The following TRIM48 variants were observed in gnomAD, a reference collection of about 807,000 sequenced individuals.
TRIM48 encodes tripartite motif containing 48.
Under a neutral mutation model 29.5 loss-of-function variants are expected in TRIM48, and 31 were observed. The observed-to-expected ratio is 1.05, with a 90% CI of 0.79 to 1.42. The LOEUF is 1.42. TRIM48 is among the 40% of genes most tolerant of loss of function. The pLI is 0.00. For missense variants in TRIM48, 344 were observed against 265.0 expected (o/e 1.30, Z -2.07); for synonymous variants, 128 against 90.6 (o/e 1.41, Z -2.34).
chr11:55,262,428 T>C, intron 1 of TRIM48, 117 bp downstream of exon 1: 1 of 746,794 alleles, frequency 1.3e-6, no homozygotes, highest in Non-Finnish European at 2.2e-6. Flanking sequence ...CTGTAATTCA[T>C]ATTCTTACTA....
intron 1 of TRIM48, among the ~76,000 whole-genome samples, chr11:55,262,768 C>T (rs1276366699): frequency 4.0e-5 from 6 of 151,320 alleles, no homozygotes; most frequent in African/African-American, 9.7e-5. Context: ...GAAAGCTCCC[C>T]AAAACATCCC....
At chr11:55,268,704 GA>G (rs2120114698) in intron 4 of TRIM48, among the ~76,000 whole-genome samples, 1 of 147,836 alleles carries the variant, frequency 6.8e-6, no homozygotes, top group African/African-American at 2.5e-5. Flanking sequence ...TTTTAGCAGT[GA>G]AAAAGTTGAT....
At chr11:55,265,775 A>G in intron 3 of TRIM48, 80 bp downstream of exon 3, 2 of 1,387,314 alleles carry the variant, frequency 1.4e-6, no homozygotes, top group Non-Finnish European at 2.0e-6. Flanking sequence ...ACTTGATATC[A>G]AACCGTAATG....
At chr11:55,264,334 T>G (rs1237365091) in intron 1 of TRIM48, among the ~76,000 whole-genome samples, 1 of 147,884 alleles carries the variant, frequency 6.8e-6, no homozygotes, top group African/African-American at 2.5e-5. Flanking sequence ...CGCTTTGGAT[T>G]TGGTTTTTTA....
rs538150715 is a variant in TRIM48 at position 55,268,555 on chromosome 11, G to A, written c.578+183G>A. On this transcript the variant is annotated intron_variant, in intron 4 of 5. Coordinates refer to ENST00000417545, the MANE Select transcript of TRIM48 (RefSeq NM_024114.5). ...AAATAAATACATAAATAAATAAATA[G>A]TGAAGTAAAATTTTAAAAAACATGT... is the stretch of plus-strand genomic sequence containing the variant. Among the ~76,000 whole-genome samples, 21 of 147,216 alleles carry A rather than the reference G, an allele frequency of 1.4e-4. 3 individuals are homozygous for A. The highest frequency in any genetic ancestry group is 4.0e-4 in the African/African-American group (16 of 40,294).
chr11:55,263,112 T>A (rs1026635505), intron 1 of TRIM48, among the ~76,000 whole-genome samples: 1 of 152,124 alleles, frequency 6.6e-6, no homozygotes, highest in Non-Finnish European at 1.5e-5. Flanking sequence ...GCCATTTCAG[T>A]CAACAACAAA....
intron 1 of TRIM48, among the ~76,000 whole-genome samples, chr11:55,263,230 G>A (rs1857332106): frequency 6.6e-6 from 1 of 152,090 alleles, no homozygotes; most frequent in African/African-American, 2.4e-5. Context: ...CAATTGCCTA[G>A]AGTATACAGT....
chr11:55,265,419 A>T (rs2120105074), intron 2 of TRIM48, 105 bp downstream of exon 2: 2 of 1,530,956 alleles, frequency 1.3e-6, no homozygotes, highest in Non-Finnish European at 1.8e-6. Flanking sequence ...CCCTTTAAGC[A>T]ACTCTCTTTT....
At chr11:55,264,131 C>T (rs1857349716) in intron 1 of TRIM48, among the ~76,000 whole-genome samples, 1 of 149,058 alleles carries the variant, frequency 6.7e-6, no homozygotes, top group Admixed American at 6.7e-5. Flanking sequence ...ATAATTACAC[C>T]TCTTTAAGTT....
Position 55,267,082 on chromosome 11 carries a change from T to C in TRIM48, c.556-1268T>C, listed in dbSNP as rs541102344. 2.0e-5 allele frequency among the ~76,000 whole-genome samples: 3 copies of C among 148,130 alleles called. 1 individual carries two copies. The highest frequency in any genetic ancestry group is 3.0e-5 in the Non-Finnish European group (2 of 67,000). On this transcript the variant is annotated intron_variant, in intron 3 of 5. Transcript: ENST00000417545. ...ATAATTATTTCCTTTCTAGTAACTA[T>C]AGCTCTATACTCCAACTCTTAAGCA...
chr11:55,262,489 A>G (rs967683509), intron 1 of TRIM48, among the ~76,000 whole-genome samples, 178 bp downstream of exon 1: 2 of 152,132 alleles, frequency 1.3e-5, no homozygotes, highest in Admixed American at 1.3e-4. Context: ...TGCATTTTCT[A>G]TCATTCTTCA....
At chr11:55,267,302 C>G in intron 3 of TRIM48, 1 of 1,297,266 alleles carries the variant, frequency 7.7e-7, no homozygotes, top group South Asian at 1.5e-5. Flanking sequence ...ACTGGCAAGA[C>G]TGAGGTTTAA....
At chr11:55,267,605 A>G in intron 3 of TRIM48, 2 of 1,563,222 alleles carry the variant, frequency 1.3e-6, no homozygotes, top group Non-Finnish European at 1.7e-6. Context: ...AGCTGATGAA[A>G]ATGTGCCATA....
At position 55,270,677 on chromosome 11, in the gene TRIM48, A is replaced by G; in HGVS notation, c.*242A>G. 1 of 1,575,230 alleles carries G rather than the reference A, an allele frequency of 6.3e-7. No homozygotes were observed. Among genetic ancestry groups the G allele is most frequent in the Non-Finnish European group, 8.6e-7 (1 of 1,158,558 alleles). On this transcript the variant is annotated 3_prime_UTR_variant, in exon 6 of 6. Coordinates refer to ENST00000417545, the MANE Select transcript of TRIM48 (RefSeq NM_024114.5). Reference sequence around the variant, plus strand: ...AATAAGTATTGGAAAGGGAAGAATCAGAATGGCAATATATATGGAGAGGAG... The same window carrying G: ...AATAAGTATTGGAAAGGGAAGAATCGGAATGGCAATATATATGGAGAGGAG...
intron 1 of TRIM48, among the ~76,000 whole-genome samples, chr11:55,264,137 AAG>A (rs1565077159): frequency 1.6e-5 from 2 of 122,908 alleles, no homozygotes; most frequent in African/African-American, 2.9e-5. Context: ...ACACCTCTTT[AAG>A]TTTAACAAAA....
intron 3 of TRIM48, among the ~76,000 whole-genome samples, chr11:55,266,113 G>A (rs1242574377): frequency 6.8e-6 from 1 of 147,510 alleles, no homozygotes; most frequent in Non-Finnish European, 1.5e-5. Context: ...ATTTGGAATT[G>A]CATGGAAAAT....
At chr11:55,265,796 T>C in intron 3 of TRIM48, 101 bp downstream of exon 3, 2 of 752,146 alleles carry the variant, frequency 2.7e-6, no homozygotes, top group Non-Finnish European at 3.5e-6. Context: ...TTTCTGGGAG[T>C]CAAAAAAAAA....
intron 2 of TRIM48, 87 bp downstream of exon 2, chr11:55,265,401 C>G: frequency 1.3e-6 from 2 of 1,552,850 alleles, no homozygotes; most frequent in Non-Finnish European, 1.7e-6. Context: ...GTAAAGCCAA[C>G]TCTGAGTCCC....
intron 1 of TRIM48, among the ~76,000 whole-genome samples, chr11:55,263,070 G>A (rs1265782727): frequency 6.6e-6 from 1 of 152,072 alleles, no homozygotes; most frequent in East Asian, 1.9e-4. Flanking sequence ...ATCATAGGGT[G>A]TATATGTATA....
Sources: allele counts gnomAD v4.1 joint callset (sites outside exome capture counted in the v4.1 genomes callset), GRCh38; gene constraint gnomAD v4.1.1; transcripts MANE v1.5; gene names NCBI Gene and HGNC (gene_info 2026-07-23, HGNC 2026-07-21).